RTL5: variants seen among roughly 807,000 people sequenced by gnomAD.
RTL5 encodes the protein retrotransposon Gag like 5.
RTL5 carries 8 observed loss-of-function variants against 7.7 expected under a neutral mutation model. That is an observed-to-expected ratio of 1.04 (90% CI 0.61 to 1.88). The LOEUF is 1.88. Among genes scored for constraint, RTL5 ranks in the 40% most tolerant of loss-of-function variants. The pLI is 0.00. For missense variants in RTL5, 457 were observed against 472.7 expected, an observed-to-expected ratio of 0.97 and a Z score of 0.31; for synonymous variants, 188 against 191.8, an observed-to-expected ratio of 0.98 and a Z score of 0.16.
exon 1 of RTL5, chrX:72,131,199 G>C (rs952058803): frequency 1.7e-6 from 2 of 1,193,726 alleles, no homozygotes; most frequent in Admixed American, 2.3e-5. Flanking sequence ...CGGGCCCGTC[G>C]GGGGTGCTGC....
chrX:72,130,074 G>T, exon 1 of RTL5: 1 of 1,211,297 alleles, frequency 8.3e-7, no homozygotes, highest in Non-Finnish European at 1.1e-6. Context: ...AGTTTTCGGC[G>T]TGGTAACCAC....
At chrX:72,130,480 C>T (rs774516982) in exon 1 of RTL5, 2 of 1,210,964 alleles carry the variant, frequency 1.7e-6, no homozygotes, top group Non-Finnish European at 2.2e-6. Context: ...AAGCCTGTGC[C>T]TGCGTGCCTC....
In RTL5 at chrX:72,129,570, C is replaced by G. The variant is rs560117489; in HGVS notation, c.*261G>C. 4.9e-5 allele frequency: 17 copies of G among 345,207 alleles called. No homozygotes were observed. In the South Asian group the frequency reaches 1.3e-3, roughly 26 times the overall value. 28.4% of individuals were successfully genotyped at this position (345,207 alleles called of 1,213,427 possible). A position where few individuals can be genotyped will look rare whatever the true frequency, so the allele number is the denominator to read the frequency against. ...ACAGGCCCAGAAACTTGCTCTCCAG[C>G]TCGTGGCCGGACTGAGCAGAGTACA... On this transcript the variant is annotated 3_prime_UTR_variant, in exon 1 of 1. Transcript: ENST00000609883.
chrX:72,131,800 G>A (rs1211064863), exon 1 of RTL5: 7 of 230,641 alleles, frequency 3.0e-5, no homozygotes, highest in African/African-American at 1.8e-4. Flanking sequence ...GGGGCCCGGA[G>A]GCGCCAGGCG....
rs777354507 is a variant in RTL5 at position 72,130,205 on chromosome X, C to T, written c.1336G>A (p.Glu446Lys). The change falls in exon 1 of 1, where the codon GAG becomes AAG. Residue 446 changes from glutamate (E) to lysine (K), a missense_variant. Glu to Lys is a moderately conservative substitution (Grantham distance 56). Coordinates refer to ENST00000609883, the Ensembl canonical transcript of RTL5. ...TCCTCCTCCACCTCACCATAGGTCT[C>T]CTCAGTCCCTGGATCCTGCTGTGGC... The T allele has an allele frequency of 7.4e-6, 9 of 1,208,184 alleles. No homozygotes were observed. The Admixed American group carries it at 1.3e-4, about 18-fold the overall frequency.
exon 1 of RTL5, chrX:72,131,124 C>T (rs780362788): frequency 2.0e-4 from 236 of 1,194,918 alleles, no homozygotes; most frequent in Non-Finnish European, 2.6e-4. Flanking sequence ...GTTGCGGGGG[C>T]GGTTCCTTTG....
At chrX:72,129,862 T>A (rs1373883454) in exon 1 of RTL5, 1 of 1,202,216 alleles carries the variant, frequency 8.3e-7, no homozygotes, top group Admixed American at 2.2e-5. Context: ...AGCAGCTCGG[T>A]GGCCCCCCTG....
chrX:72,130,777 G>A (rs1247070692), exon 1 of RTL5: 1 of 1,210,008 alleles, frequency 8.3e-7, no homozygotes, highest in African/African-American at 1.7e-5. Context: ...AAAAGCATCT[G>A]CATAGCTGCC....
In RTL5 at chrX:72,129,671, G is replaced by A. The variant is rs964488670; in HGVS notation, c.*160C>T. 1.9e-4 allele frequency: 101 copies of A among 529,366 alleles called. 1 individual carries two copies. Among genetic ancestry groups the A allele is most frequent in the Non-Finnish European group, 6.9e-5 (23 of 334,515 alleles). The allele number at this position is 529,366 out of a possible 1,213,427, so 43.6% of individuals were successfully genotyped here. A position where few individuals can be genotyped will look rare whatever the true frequency, so the allele number is the denominator to read the frequency against. ...TGGGCACACGTCGCTCTCTGGTCAC[G>A]GTTGCAAGATGGTCTGGAATTCTGC... On this transcript the variant is annotated 3_prime_UTR_variant, in exon 1 of 1. Coordinates refer to ENST00000609883, the Ensembl canonical transcript of RTL5.
At chrX:72,130,456 T>G (rs1256452112) in exon 1 of RTL5, 1 of 1,210,355 alleles carries the variant, frequency 8.3e-7, no homozygotes, top group South Asian at 1.8e-5. Context: ...GCGCTTCCTC[T>G]GGTCCTTGGA....
exon 1 of RTL5, chrX:72,130,588 G>A (rs2042281149): frequency 1.7e-6 from 2 of 1,209,663 alleles, no homozygotes; most frequent in South Asian, 1.8e-5. Context: ...TCCAGGGAGC[G>A]GGATAGGCTT....
At chrX:72,130,080 A>G in exon 1 of RTL5, 2 of 1,210,876 alleles carry the variant, frequency 1.7e-6, no homozygotes, top group South Asian at 3.5e-5. Context: ...CGGCGTGGTA[A>G]CCACTTGTGG....
chrX:72,130,257 CTCATCT>C (rs760830014), exon 1 of RTL5: 10 of 1,207,578 alleles, frequency 8.3e-6, no homozygotes. Flanking sequence ...GGCCCCCATC[CTCATCT>C]TCATCTTCTT....
exon 1 of RTL5, chrX:72,129,416 T>G: frequency 2.2e-5 from 3 of 137,151 alleles, no homozygotes; most frequent in Non-Finnish European, 4.4e-5. Context: ...CAGTGAGGCA[T>G]TGGGTGAAGT....
chrX:72,131,689 C>A (rs2042302814), exon 1 of RTL5: 3 of 497,405 alleles, frequency 6.0e-6, no homozygotes, highest in Non-Finnish European at 5.9e-6. Flanking sequence ...CCACACCCAC[C>A]GGGGCGAGCT....
At chrX:72,129,404 A>G (rs1033524297) in exon 1 of RTL5, 1 of 133,691 alleles carries the variant, frequency 7.5e-6, no homozygotes, top group African/African-American at 3.2e-5. Context: ...ATTGGGGCAG[A>G]TCAGTGAGGC....
chrX:72,131,523 T>C, exon 1 of RTL5: 1 of 1,189,138 alleles, frequency 8.4e-7, no homozygotes, highest in Non-Finnish European at 1.1e-6. Flanking sequence ...TGTTGAGATT[T>C]CCTGACGCCT....
Position 72,130,374 on chromosome X carries a change from C to G in RTL5, c.1167G>C (p.Lys389Asn), listed in dbSNP as rs1569482859. Residue 389 changes from lysine to asparagine, a missense_variant, in exon 1 of 1, where the codon AAG becomes AAC. By Grantham distance (94) the Lys-to-Asn change is moderately conservative. Coordinates refer to ENST00000609883, the Ensembl canonical transcript of RTL5. ...CCTCCTCCTCCTCCTTCTCTTCCTT[C>G]TTCTTCATTTCTTCCTCCTTCTTCA... The G allele has an allele frequency of 5.1e-6, 6 of 1,174,463 alleles. No homozygotes were observed. Among genetic ancestry groups the G allele is most frequent in the Non-Finnish European group, 5.7e-6 (5 of 870,556 alleles).
rs1305331475 is a variant in RTL5, at chrX:72,130,438, G to T, written c.1103C>A (p.Ala368Asp). The stretch of plus-strand genomic sequence containing the variant: ...CTTCTCCTTCATCTCTTGCTGAAAA[G>T]CCCTCATGCGCTTCCTCTGGTCCTT... Residue 368 changes from alanine to aspartate, a missense_variant, in exon 1 of 1, where the codon GCT becomes GAT. Ala to Asp is a moderately radical substitution (Grantham distance 126, BLOSUM62 -2). Coordinates refer to ENST00000609883, the Ensembl canonical transcript of RTL5. The T allele has an allele frequency of 3.3e-6, 4 of 1,204,218 alleles. No individual in the cohort carries two copies. In the Middle Eastern group the frequency reaches 7.0e-4, roughly 210 times the overall value.
Sources: gnomAD v4.1 joint callset for allele counts on GRCh38, gnomAD v4.1.1 for gene constraint, MANE v1.5 for transcripts, NCBI Gene and HGNC (gene_info 2026-07-23, HGNC 2026-07-21) for gene names.